The following PCDH15 variants were observed in gnomAD, a reference collection of about 807,000 sequenced individuals.
PCDH15 encodes the protein protocadherin-15.
In PCDH15, 129 loss-of-function variants were observed where a neutral mutation model predicts 178.5. The observed-to-expected ratio is 0.72, with a 90% CI of 0.63 to 0.84. The LOEUF (loss-of-function observed/expected upper bound fraction) is 0.84, where lower values mean the gene tolerates loss of function less well. PCDH15 is among the 40% of genes least tolerant of loss of function. PCDH15 has a pLI of 0.00. For missense variants in PCDH15, 2,230 were observed against 2,099.9 expected (o/e 1.06, Z -1.21); for synonymous variants, 800 against 732.0 (o/e 1.09, Z -1.50).
intron 25 of PCDH15, among the ~76,000 whole-genome samples, chr10:53,920,159 G>A (rs186701520): frequency 8.5e-5 from 13 of 152,114 alleles, no homozygotes; most frequent in South Asian, 4.1e-4. Context: ...TGCACAAGGC[G>A]GTTGAATACA....
At chr10:53,938,534 A>T (rs2085771795) in intron 25 of PCDH15, among the ~76,000 whole-genome samples, 1 of 152,170 alleles carries the variant, frequency 6.6e-6, no homozygotes, top group South Asian at 2.1e-4. Flanking sequence ...CAGTGGGACT[A>T]AGTTTTATTA....
rs537953588 is a variant in PCDH15 at position 55,277,253 on chromosome 10, C to A, written c.-156+42346G>T. Among the ~76,000 whole-genome samples, 73 of 152,068 alleles carry A rather than the reference C, an allele frequency of 4.8e-4. 1 individual carries two copies. The highest frequency in any genetic ancestry group is 1.6e-3 in the African/African-American group (66 of 41,534). On this transcript the variant is annotated intron_variant, in intron 1 of 5. Coordinates refer to the PCDH15 transcript ENST00000458638. ...AAATAAGAGACACCAAAACAGAAATCTAAGTTTCTTTGCAACCCAGCCAGT... is the reference window on the plus strand; with the variant it reads ...AAATAAGAGACACCAAAACAGAAATATAAGTTTCTTTGCAACCCAGCCAGT...
At chr10:54,691,490 C>T (rs1256902782) in intron 1 of PCDH15, among the ~76,000 whole-genome samples, 2 of 151,762 alleles carry the variant, frequency 1.3e-5, no homozygotes, top group East Asian at 3.9e-4. Flanking sequence ...TGAGAATGAC[C>T]TTTTGCACCA....
chr10:55,315,194 A>G (rs572171450), intron 1 of PCDH15, among the ~76,000 whole-genome samples: 1 of 152,296 alleles, frequency 6.6e-6, no homozygotes, highest in Non-Finnish European at 1.5e-5. Context: ...ACATAATTAT[A>G]TTTGAATTTC....
chr10:55,384,553 G>C (rs914823883), intron 2 of PCDH15, among the ~76,000 whole-genome samples: 2 of 152,066 alleles, frequency 1.3e-5, no homozygotes, highest in African/African-American at 4.8e-5. Flanking sequence ...TTTCCAGTCA[G>C]AAGTGAAGAA....
In PCDH15 at chr10:54,934,780, G is replaced by A. The variant is rs1203771775; in HGVS notation, c.-79-37280C>T. ...TGCTGCTTTAAAGACACATGCACAC[G>A]TATGTTTATTGCGGCACTATTCACA... On this transcript the variant is annotated intron_variant, in intron 2 of 5. Coordinates refer to the PCDH15 transcript ENST00000458638. Among the ~76,000 whole-genome samples, 8 of 151,744 alleles carry A rather than the reference G, an allele frequency of 5.3e-5. No individual in the cohort carries two copies. In the South Asian group the frequency reaches 8.3e-4, roughly 16 times the overall value.
chr10:54,988,871 C>A (rs180872693), intron 2 of PCDH15, among the ~76,000 whole-genome samples: 40 of 152,302 alleles, frequency 2.6e-4, no homozygotes, highest in African/African-American at 9.1e-4. Context: ...TCCCCAGGAT[C>A]ATGGGGAAAA....
rs114241199 is a variant in PCDH15 at position 55,480,493 on chromosome 10, G to A, written c.-156+147132C>T. On this transcript the variant is annotated intron_variant, in intron 2 of 5. Transcript: ENST00000613346. ...ATCATATATATTTTTGTTATTTTAAGGTTTGTTCTTTCAATACCTAGTTCA... is the reference window on the plus strand; with the variant it reads ...ATCATATATATTTTTGTTATTTTAAAGTTTGTTCTTTCAATACCTAGTTCA... Among the ~76,000 whole-genome samples the A allele has an allele frequency of 3.9e-3, 595 of 151,476 alleles. 4 individuals are homozygous for A. The highest frequency in any genetic ancestry group is 0.014 in the African/African-American group (568 of 41,388).
chr10:54,117,812 TC>T (rs1801980439), intron 15 of PCDH15, among the ~76,000 whole-genome samples: 2 of 152,002 alleles, frequency 1.3e-5, no homozygotes, highest in South Asian at 4.1e-4. Context: ...GGTGGGTAGC[TC>T]CTATCTGCAG....
chr10:55,566,642 A>G (rs1842308172), intron 2 of PCDH15, among the ~76,000 whole-genome samples: 1 of 151,850 alleles, frequency 6.6e-6, no homozygotes, highest in South Asian at 2.1e-4. Context: ...ATACAATAAC[A>G]AAGAATAATC....
chr10:54,462,406 C>G (rs577627675), intron 3 of PCDH15, among the ~76,000 whole-genome samples: 39 of 151,694 alleles, frequency 2.6e-4, no homozygotes, highest in Admixed American at 5.3e-4. Flanking sequence ...TTTCTTCCAT[C>G]TGAATACAAG....
chr10:54,911,473 G>A (rs981856071), intron 2 of PCDH15, among the ~76,000 whole-genome samples: 5 of 152,160 alleles, frequency 3.3e-5, no homozygotes, highest in Admixed American at 2.6e-4. Context: ...TAATCTATAT[G>A]ATGGGTATAA....
intron 2 of PCDH15, among the ~76,000 whole-genome samples, chr10:55,387,019 A>C (rs2132008845): frequency 6.6e-6 from 1 of 152,254 alleles, no homozygotes; most frequent in Non-Finnish European, 1.5e-5. Flanking sequence ...ACATATCTGT[A>C]AAATAGAATA....
Position 53,958,703 on chromosome 10 carries a change from G to A in PCDH15, c.3122+1029C>T, listed in dbSNP as rs146036030. On this transcript the variant is annotated intron_variant, in intron 23 of 37. Transcript: ENST00000644397. The stretch of plus-strand genomic sequence containing the variant: ...AAGAAAATAACTTTCTGTTGTGGCC[G>A]GGCACAGTGCCTCACGCCTGTAATC... Among the ~76,000 whole-genome samples, 401 of 152,020 alleles carry A rather than the reference G, an allele frequency of 2.6e-3. 3 individuals carry two copies. Among genetic ancestry groups the A allele is most frequent in the African/African-American group, 9.3e-3 (385 of 41,496 alleles).
At chr10:53,909,792 C>A (rs1020328353) in intron 25 of PCDH15, among the ~76,000 whole-genome samples, 12 of 152,220 alleles carry the variant, frequency 7.9e-5, no homozygotes, top group Non-Finnish European at 1.6e-4. Flanking sequence ...TAAATGGGGA[C>A]AGTGCCACCC....
chr10:54,383,389 G>A (rs966658954), intron 3 of PCDH15, among the ~76,000 whole-genome samples: 4 of 152,032 alleles, frequency 2.6e-5, no homozygotes, highest in Admixed American at 2.0e-4. Context: ...AGCAAAAAAA[G>A]TCATACTACT....
chr10:54,973,866 T>G (rs1404340967), intron 2 of PCDH15, among the ~76,000 whole-genome samples: 1 of 151,752 alleles, frequency 6.6e-6, no homozygotes, highest in Non-Finnish European at 1.5e-5. Context: ...AGCAAAAGAA[T>G]TATCTCTAAT....
rs1345195157 is a variant in PCDH15, at chr10:55,312,318, A to G, written c.-156+7281T>C. Among the ~76,000 whole-genome samples the G allele has an allele frequency of 2.6e-5, 4 of 152,040 alleles. No individual in the cohort carries two copies. In the South Asian group the frequency reaches 8.3e-4, roughly 31 times the overall value. On this transcript the variant is annotated intron_variant, in intron 1 of 5. Transcript: ENST00000458638. ...CAATGGTAAAGGGTATCAGTTATTAAAAAAACAAAAATATTTTATTTAAAA... is the reference window on the plus strand; with the variant it reads ...CAATGGTAAAGGGTATCAGTTATTAGAAAAACAAAAATATTTTATTTAAAA...
In PCDH15 at chr10:54,346,532, C is replaced by A. The variant is rs536299899; in HGVS notation, c.475-48G>T. ...ATATCAATTTTCATTTTATCAACTGCACACCAGAAATGTTACAGCATAAAA... is the reference window on the plus strand; with the variant it reads ...ATATCAATTTTCATTTTATCAACTGAACACCAGAAATGTTACAGCATAAAA... On this transcript the variant is annotated intron_variant, in intron 5 of 37. Coordinates refer to ENST00000644397, the MANE Select transcript of PCDH15 (RefSeq NM_001384140.1). 6.9e-6 allele frequency: 11 copies of A among 1,604,658 alleles called. No individual in the cohort carries two copies. The South Asian group carries it at 1.2e-4, about 18-fold the overall frequency.
Sources: gnomAD v4.1 joint callset for allele counts (sites outside exome capture counted in the v4.1 genomes callset) on GRCh38, gnomAD v4.1.1 for gene constraint, MANE v1.5 for transcripts, NCBI Gene and HGNC (gene_info 2026-07-23, HGNC 2026-07-21) for gene names.